The following SLC2A9 variants were observed in gnomAD, a reference collection of about 807,000 sequenced individuals.
SLC2A9 encodes the protein solute carrier family 2 member 9.
Under a neutral mutation model 50.6 loss-of-function variants are expected in SLC2A9, and 39 were observed. The ratio of observed to expected loss-of-function variants is 0.77; its 90% CI spans 0.60 to 1.01. The LOEUF is 1.01. SLC2A9 is among the 50% of genes least tolerant of loss of function. SLC2A9 has a pLI of 0.00. For missense variants in SLC2A9, 686 were observed against 677.6 expected, an observed-to-expected ratio of 1.01 and a Z score of -0.14; for synonymous variants, 324 against 276.9, an observed-to-expected ratio of 1.17 and a Z score of -1.69.
At chr4:9,784,206 A>G (rs1372079834) in intron 3 of SLC2A9, among the ~76,000 whole-genome samples, 1 of 152,146 alleles carries the variant, frequency 6.6e-6, no homozygotes, top group Non-Finnish European at 1.5e-5. Flanking sequence ...GTTTCTTTTT[A>G]TTACTTATAC....
intron 5 of SLC2A9, among the ~76,000 whole-genome samples, chr4:9,970,900 T>C (rs1321031309): frequency 6.6e-6 from 1 of 152,216 alleles, no homozygotes; most frequent in South Asian, 2.1e-4. Context: ...TGATGTTATC[T>C]ATAGATTCCA....
Position 9,848,096 on chromosome 4 carries a change from T to C in SLC2A9, c.1292-13088A>G, listed in dbSNP as rs560822403. On this transcript the variant is annotated intron_variant, in intron 10 of 11. Coordinates refer to ENST00000264784, the MANE Select transcript of SLC2A9 (RefSeq NM_020041.3). ...ATCCAGGACTTCCAAACTAGCCTGA[T>C]TGACTGCTCTACTGTGTCCTCCCTA... Among the ~76,000 whole-genome samples, 380 of 152,294 alleles carry C rather than the reference T, an allele frequency of 2.5e-3. 2 individuals are homozygous for C. Among genetic ancestry groups the C allele is most frequent in the African/African-American group, 8.1e-3 (335 of 41,562 alleles).
At chr4:9,860,751 C>T (rs1002581837) in intron 10 of SLC2A9, among the ~76,000 whole-genome samples, 6 of 152,208 alleles carry the variant, frequency 3.9e-5, no homozygotes, top group Admixed American at 1.3e-4. Context: ...ATATGAGTAT[C>T]GATTGTCTCC....
intron 5 of SLC2A9, among the ~76,000 whole-genome samples, chr4:9,967,176 CATT>C (rs1394179919): frequency 3.3e-5 from 5 of 152,046 alleles, no homozygotes; most frequent in Non-Finnish European, 7.4e-5. Context: ...TTTTAAAATT[CATT>C]ATTATCATTA....
intron 6 of SLC2A9, among the ~76,000 whole-genome samples, chr4:9,936,480 T>C (rs879379253): frequency 4.6e-5 from 7 of 152,160 alleles, no homozygotes; most frequent in Non-Finnish European, 8.8e-5. Context: ...AGCATGATGA[T>C]ACTAGCAGCA....
upstream of SLC2A9, chr4:10,026,044 G>C (rs1763741188): frequency 2.0e-6 from 3 of 1,477,128 alleles, no homozygotes; most frequent in Non-Finnish European, 2.8e-6. Context: ...TTAGACAGCT[G>C]CTTTCTCAGA....
intron 11 of SLC2A9, among the ~76,000 whole-genome samples, chr4:9,833,585 G>A (rs985835760): frequency 5.3e-5 from 8 of 152,178 alleles, no homozygotes; most frequent in Non-Finnish European, 8.8e-5. Context: ...CAACTGCTCC[G>A]TAACTGTGAA....
intron 5 of SLC2A9, among the ~76,000 whole-genome samples, chr4:9,951,629 T>TAAAA (rs143487517): frequency 7.9e-5 from 12 of 151,602 alleles, no homozygotes; most frequent in East Asian, 1.9e-4. Context: ...AGTTTATTTT[T>TAAAA]AAAAAAACAG....
intron 5 of SLC2A9, among the ~76,000 whole-genome samples, chr4:9,955,490 G>A (rs1578069199): frequency 5.7e-5 from 1 of 17,600 alleles, no homozygotes; most frequent in Admixed American, 1.2e-3. Flanking sequence ...GCGAGACTCC[G>A]TCTCAAAAAA....
chr4:10,018,922 G>A, intron 2 of SLC2A9, 53 bp downstream of exon 2: 3 of 1,527,224 alleles, frequency 2.0e-6, no homozygotes, highest in East Asian at 2.5e-5. Flanking sequence ...TTGCGCACCC[G>A]AAGGTTTCCG....
At chr4:10,030,395 C>G (rs1763902327) in intron 1 of SLC2A9, among the ~76,000 whole-genome samples, 1 of 152,092 alleles carries the variant, frequency 6.6e-6, no homozygotes, top group Non-Finnish European at 1.5e-5. Flanking sequence ...ATGGTAAATA[C>G]AAGTAATTAT....
At chr4:9,796,820 T>C (rs1560125350), downstream of SLC2A9, among the ~76,000 whole-genome samples, 1 of 152,150 alleles carries the variant, frequency 6.6e-6, no homozygotes, top group Non-Finnish European at 1.5e-5. Context: ...ATTCATCTCA[T>C]GCTGGAGGAC....
rs960164700 is a variant in SLC2A9 at position 9,879,799 on chromosome 4, T to C, written c.1291+7768A>G. On this transcript the variant is annotated intron_variant, in intron 10 of 11. Coordinates refer to ENST00000264784, the MANE Select transcript of SLC2A9 (RefSeq NM_020041.3). ...AATTGACACATTTTGGCAACGATCT[T>C]CTTTTTTTAAAAGGTGAAGCTCTTT... is the stretch of plus-strand genomic sequence containing the variant. 3.3e-5 allele frequency: 33 copies of C among 985,462 alleles called. No homozygotes were observed. The African/African-American group carries it at 5.4e-4, about 16-fold the overall frequency. The allele number at this position is 985,462 out of a possible 1,614,324, so 61.0% of individuals were successfully genotyped here. A position where few individuals can be genotyped will look rare whatever the true frequency, so the allele number is the denominator to read the frequency against.
At chr4:9,945,941 A>G (rs1013709966) in intron 5 of SLC2A9, among the ~76,000 whole-genome samples, 2 of 152,248 alleles carry the variant, frequency 1.3e-5, no homozygotes, top group South Asian at 2.1e-4. Context: ...ATTTTCAGAC[A>G]GTGGCCTCTG....
chr4:9,959,329 T>A (rs1295031841), intron 5 of SLC2A9, among the ~76,000 whole-genome samples: 1 of 151,390 alleles, frequency 6.6e-6, no homozygotes, highest in Non-Finnish European at 1.5e-5. Context: ...GAGGCAGAGG[T>A]TGCAGTGAGC....
chr4:9,782,451 C>G (rs935592815), intron 3 of SLC2A9: 41 of 1,613,878 alleles, frequency 2.5e-5, no homozygotes, highest in Non-Finnish European at 3.1e-5. Flanking sequence ...CGCTACTGGG[C>G]CATCTCCAGG....
intron 1 of SLC2A9, among the ~76,000 whole-genome samples, chr4:10,038,335 C>T (rs1204837791): frequency 2.0e-5 from 3 of 151,808 alleles, no homozygotes; most frequent in Admixed American, 6.6e-5. Context: ...TGGTGAAACC[C>T]AGTCTCTACT....
chr4:9,952,162 G>C lies in SLC2A9; in HGVS notation c.682-10117C>G, dbSNP rs186942366. Among the ~76,000 whole-genome samples the C allele has an allele frequency of 3.1e-3, 467 of 152,338 alleles. 1 individual carries two copies. Among genetic ancestry groups the C allele is most frequent in the Admixed American group, 6.0e-3 (92 of 15,296 alleles). On this transcript the variant is annotated intron_variant, in intron 5 of 11. Coordinates refer to ENST00000264784, the MANE Select transcript of SLC2A9 (RefSeq NM_020041.3). Reference sequence around the variant, plus strand: ...TCCGTAAAGTTTAGTCCACAGAGGAGGACCTCACATGCAGTAGGGGCTTTA... The same window carrying C: ...TCCGTAAAGTTTAGTCCACAGAGGACGACCTCACATGCAGTAGGGGCTTTA...
chr4:9,908,887 T>C (rs1475105018), intron 7 of SLC2A9, among the ~76,000 whole-genome samples: 1 of 152,204 alleles, frequency 6.6e-6, no homozygotes, highest in Non-Finnish European at 1.5e-5. Flanking sequence ...CAAGGAGGTC[T>C]GCTTCCATTT....
Sources: gnomAD v4.1 joint callset for allele counts (sites outside exome capture counted in the v4.1 genomes callset) on GRCh38, gnomAD v4.1.1 for gene constraint, MANE v1.5 for transcripts, NCBI Gene and HGNC (gene_info 2026-07-23, HGNC 2026-07-21) for gene names.